The following KIAA1755 variants were observed in gnomAD, a reference collection of about 807,000 sequenced individuals.
The protein encoded by KIAA1755 is KIAA1755.
KIAA1755 carries 68 observed loss-of-function variants against 91.7 expected under a neutral mutation model. The observed-to-expected ratio is 0.74, with a 90% CI of 0.61 to 0.91. The LOEUF is 0.91. Ranked by LOEUF, KIAA1755 falls within the 40% of genes least tolerant of loss-of-function variation. The probability of loss-of-function intolerance (pLI) is 0.00; values close to 1 mark genes in which losing one functional copy is unlikely to be tolerated. For synonymous variants in KIAA1755, 610 were observed against 604.6 expected, an observed-to-expected ratio of 1.01 and a Z score of -0.13; for missense variants, 1,535 against 1,494.4, an observed-to-expected ratio of 1.03 and a Z score of -0.45.
At chr20:38,214,772 G>A (rs1181444492) in intron 13 of KIAA1755, among the ~76,000 whole-genome samples, 3 of 152,176 alleles carry the variant, frequency 2.0e-5, no homozygotes, top group South Asian at 2.1e-4. Flanking sequence ...CCCACAAAAC[G>A]TCTGCAGACT....
At chr20:38,221,032 T>C (rs2075649786) in intron 10 of KIAA1755, among the ~76,000 whole-genome samples, 1 of 152,346 alleles carries the variant, frequency 6.6e-6, no homozygotes, top group African/African-American at 2.4e-5. Context: ...AGAGAGAAGA[T>C]GGAAGAAAAG....
chr20:38,239,753 G>C (rs2076021575), intron 3 of KIAA1755, 28 bp from the exon 4 acceptor site: 1 of 1,600,164 alleles, frequency 6.2e-7, no homozygotes, highest in South Asian at 1.1e-5. Context: ...CAAAGAAAAG[G>C]ACGTTAAGCA....
At chr20:38,232,912 G>A (rs1026090211) in intron 4 of KIAA1755, among the ~76,000 whole-genome samples, 3 of 151,948 alleles carry the variant, frequency 2.0e-5, no homozygotes, top group Admixed American at 6.6e-5. Context: ...GAGCTCGGGA[G>A]TTCGAGACCA....
chr20:38,222,583 G>T lies in KIAA1755; in HGVS notation c.2283C>A (p.Cys761Ter). Residue 761 changes from cysteine to a stop codon, truncating the protein, a stop_gained, in exon 10 of 14, where the codon TGC becomes TGA. Transcript: ENST00000279024. LOFTEE classifies it high-confidence loss of function. ...PPGGMQEATR[C>*]LSKSKELMEA... ...CCATCAGCTCCTTGGACTTGCTCAGGCACCTGGTAGCCTCCTGCCAGCGTA... is the reference window on the plus strand; with the variant it reads ...CCATCAGCTCCTTGGACTTGCTCAGTCACCTGGTAGCCTCCTGCCAGCGTA... The T allele has an allele frequency of 1.9e-6, 3 of 1,612,412 alleles. No homozygotes were observed. The highest frequency in any genetic ancestry group is 2.5e-6 in the Non-Finnish European group (3 of 1,179,978).
At position 38,240,743 on chromosome 20, in the gene KIAA1755, G is replaced by A. The variant is rs566259308; in HGVS notation, c.1388C>T (p.Ser463Phe). ...PMPCPSRNTS[S>F]PEPPTPGLKF... ...GAGCCCAGGAGTGGGGGGCTCAGGG[G>A]AGGAGGTGTTTCTGCTAGGGCAGGG... The change falls in exon 3 of 14, where the codon TCC becomes TTC. Residue 463 changes from serine to phenylalanine, a missense_variant. Coordinates refer to ENST00000279024, the MANE Select transcript of KIAA1755 (RefSeq NM_001029864.2). 12 of 1,580,780 alleles carry A rather than the reference G, an allele frequency of 7.6e-6. No homozygotes were observed. The East Asian group carries it at 2.2e-4, about 30-fold the overall frequency.
chr20:38,212,870 T>C lies in KIAA1755; in HGVS notation c.*172A>G. 4 of 554,110 alleles carry C rather than the reference T, an allele frequency of 7.2e-6. No homozygotes were observed. The highest frequency in any genetic ancestry group is 1.2e-5 in the Non-Finnish European group (4 of 320,070). The allele number at this position is 554,110 out of a possible 1,614,324, so 34.3% of individuals were successfully genotyped here. A position where few individuals can be genotyped will look rare whatever the true frequency, so the allele number is the denominator to read the frequency against. ...GTGAAGATCGGGTCTTCCAGGAGTT[T>C]TCTGGAGCCAGGGGCAGGTCGACAG... On this transcript the variant is annotated 3_prime_UTR_variant, in exon 14 of 14. Coordinates refer to ENST00000279024, the MANE Select transcript of KIAA1755 (RefSeq NM_001029864.2).
At chr20:38,245,832 C>A in intron 2 of KIAA1755, 97 bp downstream of exon 2, 1 of 1,178,670 alleles carries the variant, frequency 8.5e-7, no homozygotes, top group Non-Finnish European at 1.2e-6. Context: ...CCCCGTGAAA[C>A]AAGACACAGG....
Position 38,246,041 on chromosome 20 carries a change from C to A in KIAA1755, c.89G>T (p.Gly30Val), listed in dbSNP as rs1482028449. The change falls in exon 2 of 14, where the codon GGT becomes GTT. Residue 30 changes from glycine (G) to valine (V), a missense_variant. Gly to Val is a moderately radical substitution (Grantham distance 109). Coordinates refer to ENST00000279024, the MANE Select transcript of KIAA1755 (RefSeq NM_001029864.2). ...PFEATAPTVL[G>V]QVFRLLDSGF... Reference sequence around the variant, plus strand: ...AGAGTCCAGGAGACGGAACACCTGACCCAGGACGGTGGGTGCTGTGGCCTC... The same window carrying A: ...AGAGTCCAGGAGACGGAACACCTGAACCAGGACGGTGGGTGCTGTGGCCTC... 3.1e-6 allele frequency: 5 copies of A among 1,614,192 alleles called. No homozygotes were observed. The highest frequency in any genetic ancestry group is 1.3e-5 in the African/African-American group (1 of 75,048).
At position 38,227,826 on chromosome 20, in the gene KIAA1755, G is replaced by A. The variant is rs545342239; in HGVS notation, c.1965+321C>T. On this transcript the variant is annotated intron_variant, in intron 6 of 13. Coordinates refer to ENST00000279024, the MANE Select transcript of KIAA1755 (RefSeq NM_001029864.2). ...GGGAGCCATCCGGCCACCAAGGGGC[G>A]CGGGGTGCCAAGCGGGGTGGCTTGG... 4.6e-5 allele frequency among the ~76,000 whole-genome samples: 7 copies of A among 152,344 alleles called. No homozygotes were observed. In the East Asian group the frequency reaches 5.8e-4, roughly 13 times the overall value.
At chr20:38,254,912 C>A (rs2076313815) in intron 1 of KIAA1755, among the ~76,000 whole-genome samples, 1 of 152,122 alleles carries the variant, frequency 6.6e-6, no homozygotes, top group Non-Finnish European at 1.5e-5. Flanking sequence ...CACGGTGGCT[C>A]ATGCCTGTAA....
At chr20:38,250,871 G>A (rs2076240094) in intron 1 of KIAA1755, among the ~76,000 whole-genome samples, 1 of 152,044 alleles carries the variant, frequency 6.6e-6, no homozygotes, top group Non-Finnish European at 1.5e-5. Context: ...GTGGGGGCAA[G>A]GGCAAGAAGA....
chr20:38,233,243 C>T (rs1161252807), intron 4 of KIAA1755: 2 of 152,018 alleles, frequency 1.3e-5, no homozygotes, highest in Non-Finnish European at 2.9e-5. Flanking sequence ...ACTTCAGAAA[C>T]AAATAGATGA....
In KIAA1755 at chr20:38,213,123, C is replaced by T. The variant is rs1431004998; in HGVS notation, c.3522G>A (p.Gly1174=). The T allele has an allele frequency of 1.9e-6, 3 of 1,608,928 alleles. No individual in the cohort carries two copies. Among genetic ancestry groups the T allele is most frequent in the East Asian group, 2.2e-5 (1 of 44,842 alleles). ...CTGTCCCCTCTGAGGAGAAGCTGCCCCCAGTGAGGCGAGGGACCTGGCTCT... is the reference window on the plus strand; with the variant it reads ...CTGTCCCCTCTGAGGAGAAGCTGCCTCCAGTGAGGCGAGGGACCTGGCTCT... ...PRQSQVPRLT[G]GSFSSEGTDS... is the part of the protein sequence containing the mutation. The change falls in exon 14 of 14, where the codon GGG becomes GGA. Residue 1174 remains glycine (G), a synonymous_variant. Transcript: ENST00000279024.
intron 10 of KIAA1755, among the ~76,000 whole-genome samples, chr20:38,221,487 G>A (rs191933051): frequency 1.3e-5 from 2 of 152,292 alleles, no homozygotes; most frequent in Admixed American, 6.5e-5. Flanking sequence ...TCTGGGTGGT[G>A]TGTTCAAGAT....
intron 1 of KIAA1755, among the ~76,000 whole-genome samples, chr20:38,247,939 C>T (rs992872911): frequency 1.3e-5 from 2 of 152,064 alleles, no homozygotes; most frequent in African/African-American, 2.4e-5. Flanking sequence ...CATTAAAAAT[C>T]GTAAATAGGC....
At chr20:38,250,339 C>T (rs941060690) in intron 1 of KIAA1755, among the ~76,000 whole-genome samples, 2 of 152,202 alleles carry the variant, frequency 1.3e-5, no homozygotes, top group Admixed American at 1.3e-4. Context: ...ACTGTAATTA[C>T]ACCCACCTTA....
Position 38,210,799 on chromosome 20 carries a change from G to A in KIAA1755, c.*2243C>T, listed in dbSNP as rs2075443020. ...CCCTGCCTGTGGTACCCACTGGCTG[G>A]ATGCTGTTGCTATGGCAACAGCATT... On this transcript the variant is annotated 3_prime_UTR_variant, in exon 14 of 14. Coordinates refer to ENST00000279024, the MANE Select transcript of KIAA1755 (RefSeq NM_001029864.2). 1 of 152,222 alleles carries A rather than the reference G, an allele frequency of 6.6e-6. No homozygotes were observed. Among genetic ancestry groups the A allele is most frequent in the Non-Finnish European group, 1.5e-5 (1 of 68,048 alleles). 9.4% of individuals were successfully genotyped at this position (152,222 alleles called of 1,614,324 possible). A position where few individuals can be genotyped will look rare whatever the true frequency, so the allele number is the denominator to read the frequency against.
chr20:38,241,949 G>A lies in KIAA1755; in HGVS notation c.202-20C>T. 6.3e-7 allele frequency: 1 copy of A among 1,596,808 alleles called. No individual in the cohort carries two copies. The highest frequency in any genetic ancestry group is 8.5e-7 in the Non-Finnish European group (1 of 1,170,920). ...GGGAGCCTGTGGAGAGAAGGGGATG[G>A]CATCAGAGAACCTGGCCCTGAAAGG... On this transcript the variant is annotated intron_variant, in intron 2 of 13. Transcript: ENST00000279024.
chr20:38,218,610 C>T (rs2075597164), intron 11 of KIAA1755, among the ~76,000 whole-genome samples: 1 of 152,228 alleles, frequency 6.6e-6, no homozygotes, highest in East Asian at 1.9e-4. Context: ...TGGCCAACGC[C>T]CTCAGTGCAC....
Sources: allele counts gnomAD v4.1 joint callset (sites outside exome capture counted in the v4.1 genomes callset), GRCh38; gene constraint gnomAD v4.1.1; transcripts MANE v1.5; gene names NCBI Gene and HGNC (gene_info 2026-07-23, HGNC 2026-07-21).